SLC44A5: variants seen among roughly 807,000 people sequenced by gnomAD.
SLC44A5 encodes solute carrier family 44 member 5.
SLC44A5 carries 57 observed loss-of-function variants against 101.8 expected under a neutral mutation model. That is an observed-to-expected ratio of 0.56 (90% CI 0.45 to 0.70). SLC44A5 has a LOEUF of 0.70. Among genes scored for constraint, SLC44A5 ranks in the 30% least tolerant of loss-of-function variants. The pLI, the probability that SLC44A5 is intolerant of heterozygous loss-of-function variation, is 0.00. For missense variants in SLC44A5, 737 were observed against 853.1 expected, an observed-to-expected ratio of 0.86 and a Z score of 1.70; for synonymous variants, 281 against 290.9, an observed-to-expected ratio of 0.97 and a Z score of 0.35.
chr1:75,704,184 A>G, the SLC44A5 span, among the ~76,000 whole-genome samples: 6 of 152,240 alleles, frequency 3.9e-5, no homozygotes, highest in Admixed American at 3.3e-4. Context: ...AAAGTAACAA[A>G]TTCTATACAA....
chr1:75,349,404 C>T (rs1348977066), intron 3 of SLC44A5, among the ~76,000 whole-genome samples: 1 of 152,062 alleles, frequency 6.6e-6, no homozygotes, highest in Non-Finnish European at 1.5e-5. Context: ...ATGCGATGTT[C>T]TAACAGATAT....
chr1:75,444,439 GAA>G (rs973355127), intron 2 of SLC44A5, among the ~76,000 whole-genome samples: 10 of 116,406 alleles, frequency 8.6e-5, no homozygotes, highest in Admixed American at 3.5e-4. Context: ...GAAAGACAGA[GAA>G]AGAAAGAAAG....
intron 1 of SLC44A5, among the ~76,000 whole-genome samples, chr1:75,550,873 T>G (rs1253716772): frequency 6.6e-6 from 1 of 152,154 alleles, no homozygotes; most frequent in Non-Finnish European, 1.5e-5. Context: ...CATGACCCAG[T>G]CTAGGATATC....
intron 6 of SLC44A5, among the ~76,000 whole-genome samples, chr1:75,252,238 C>A (rs1649638593): frequency 6.6e-6 from 1 of 152,156 alleles, no homozygotes; most frequent in Non-Finnish European, 1.5e-5. Flanking sequence ...TCTAAATATT[C>A]AGGAAGAATG....
At chr1:75,702,165 G>C in the SLC44A5 span, among the ~76,000 whole-genome samples, 3 of 152,092 alleles carry the variant, frequency 2.0e-5, no homozygotes, top group Non-Finnish European at 2.9e-5. Flanking sequence ...CTACTTTAAA[G>C]TTCATATGGA....
chr1:75,601,657 G>C (rs1226560255), intron 1 of SLC44A5, among the ~76,000 whole-genome samples: 1 of 152,068 alleles, frequency 6.6e-6, no homozygotes, highest in Non-Finnish European at 1.5e-5. Context: ...AATAACACAA[G>C]CTGGGTAAAG....
chr1:75,261,508 G>A (rs974471298), intron 6 of SLC44A5, among the ~76,000 whole-genome samples: 9 of 152,118 alleles, frequency 5.9e-5, no homozygotes, highest in Non-Finnish European at 8.8e-5. Flanking sequence ...AACAAGTTCT[G>A]AAATTGAGGC....
At chr1:75,205,236 T>C (rs1646730475) in intron 23 of SLC44A5, 1 of 152,352 alleles carries the variant, frequency 6.6e-6, no homozygotes, top group African/African-American at 2.4e-5. Context: ...AATTAATACG[T>C]ATTTAGATCA....
At chr1:75,386,973 T>C (rs1159438840) in intron 3 of SLC44A5, among the ~76,000 whole-genome samples, 1 of 151,918 alleles carries the variant, frequency 6.6e-6, no homozygotes, top group Admixed American at 6.6e-5. Flanking sequence ...GATTCCCTAT[T>C]TAATAAATGG....
intron 3 of SLC44A5, among the ~76,000 whole-genome samples, chr1:75,360,529 A>G (rs1244862437): frequency 2.6e-5 from 4 of 152,108 alleles, no homozygotes; most frequent in African/African-American, 9.7e-5. Flanking sequence ...ACATTTGGAT[A>G]TCCAGTTTTC....
chr1:75,360,335 A>G (rs1336873610), intron 3 of SLC44A5, among the ~76,000 whole-genome samples: 1 of 151,992 alleles, frequency 6.6e-6, no homozygotes, highest in Admixed American at 6.6e-5. Flanking sequence ...TTTTAAGCTG[A>G]ATATTTATTT....
At position 75,213,774 on chromosome 1, in the gene SLC44A5, G is replaced by T; in HGVS notation, c.1893C>A (p.Phe631Leu). 8.1e-6 allele frequency: 13 copies of T among 1,612,230 alleles called. No individual in the cohort carries two copies. The highest frequency in any genetic ancestry group is 1.1e-5 in the Non-Finnish European group (13 of 1,178,528). Residue 631 changes from phenylalanine to leucine, a missense_variant, in exon 22 of 24, where the codon TTC (phenylalanine) becomes TTA (leucine). Physicochemically the swap from Phe to Leu is conservative, Grantham distance 22 (BLOSUM62 0). Coordinates refer to ENST00000370859, the MANE Select transcript of SLC44A5 (RefSeq NM_001130058.2). The stretch of plus-strand genomic sequence containing the variant: ...CAATCACTGGCAGTCTTTGTGTGAA[G>T]AATAGGAAGGCCAGAACACCTACAT... ...AGSIGVLAFLFFTQRLPVIAQ... is the reference protein window; with the variant it reads ...AGSIGVLAFLLFTQRLPVIAQ...
At chr1:75,389,609 A>G (rs532142883) in intron 3 of SLC44A5, among the ~76,000 whole-genome samples, 23 of 152,334 alleles carry the variant, frequency 1.5e-4, no homozygotes, top group African/African-American at 5.5e-4. Context: ...AATTCTTTGA[A>G]ATAAATGAAA....
intron 4 of SLC44A5, among the ~76,000 whole-genome samples, chr1:75,320,471 C>G (rs1656058216): frequency 1.3e-5 from 2 of 151,910 alleles, no homozygotes; most frequent in Non-Finnish European, 2.9e-5. Context: ...AAACCAAATG[C>G]CTATGTATTG....
At chr1:75,666,549 A>G in the SLC44A5 span, among the ~76,000 whole-genome samples, 7 of 152,216 alleles carry the variant, frequency 4.6e-5, no homozygotes, top group African/African-American at 1.7e-4. Flanking sequence ...AAATTATTCC[A>G]AACAATAGAA....
At chr1:75,411,768 C>T (rs1009574010) in intron 2 of SLC44A5, among the ~76,000 whole-genome samples, 1 of 152,082 alleles carries the variant, frequency 6.6e-6, no homozygotes, top group Admixed American at 6.6e-5. Flanking sequence ...CACAGATACA[C>T]TTTTAATAGG....
chr1:75,222,526 A>T, intron 13 of SLC44A5, 66 bp from the exon 14 acceptor site: 1 of 922,900 alleles, frequency 1.1e-6, no homozygotes, highest in Non-Finnish European at 1.7e-6. Flanking sequence ...CTTCCCTGCA[A>T]ATGCTAGGAT....
At chr1:75,313,590 T>G (rs1217449691) in intron 4 of SLC44A5, among the ~76,000 whole-genome samples, 1 of 152,200 alleles carries the variant, frequency 6.6e-6, no homozygotes, top group African/African-American at 2.4e-5. Context: ...CTGTCCATTA[T>G]GAACAATACA....
chr1:75,657,671 G>A, the SLC44A5 span, among the ~76,000 whole-genome samples: 1 of 151,916 alleles, frequency 6.6e-6, no homozygotes. Context: ...TGCAAAGAGA[G>A]ACAAAGAAGG....
Sources: gnomAD v4.1 joint callset for allele counts (sites outside exome capture counted in the v4.1 genomes callset) on GRCh38, gnomAD v4.1.1 for gene constraint, MANE v1.5 for transcripts, NCBI Gene and HGNC (gene_info 2026-07-23, HGNC 2026-07-21) for gene names.